Variants in LRRC37A2 observed in about 807,000 individuals in gnomAD.
LRRC37A2 encodes the protein leucine-rich repeat-containing protein 37A2.
Under a neutral mutation model 68.8 loss-of-function variants are expected in LRRC37A2, and 9 were observed. The observed-to-expected ratio is 0.13, with a 90% CI of 0.08 to 0.23. The LOEUF is 0.23. LRRC37A2 is among the 10% of genes least tolerant of loss of function. The probability of loss-of-function intolerance (pLI) is 1.00; values close to 1 mark genes in which losing one functional copy is unlikely to be tolerated. For missense variants in LRRC37A2, 168 were observed against 950.4 expected (o/e 0.18, Z 10.82); for synonymous variants, 63 against 367.6 (o/e 0.17, Z 9.48).
At chr17:46,890,053 C>T in the LRRC37A2 span, among the ~76,000 whole-genome samples, 1 of 152,184 alleles carries the variant, frequency 6.6e-6, no homozygotes, top group East Asian at 1.9e-4. Context: ...CCATTTCAGC[C>T]CGGCCTGCAT....
chr17:46,795,880 T>TCACA, the LRRC37A2 span, among the ~76,000 whole-genome samples: 1 of 151,834 alleles, frequency 6.6e-6, no homozygotes, highest in African/African-American at 2.4e-5. Context: ...CCTCTCTCTC[T>TCACA]CACACACACA....
chr17:46,822,134 A>G, the LRRC37A2 span, among the ~76,000 whole-genome samples: 1 of 152,214 alleles, frequency 6.6e-6, no homozygotes, highest in African/African-American at 2.4e-5. Context: ...TTATGGAGGA[A>G]CAGTGCAAAG....
chr17:46,875,449 C>A, the LRRC37A2 span: 1 of 1,455,328 alleles, frequency 6.9e-7, no homozygotes, highest in Non-Finnish European at 9.1e-7. Context: ...GCCAGCACCC[C>A]ACTCCCCAAA....
chr17:46,834,338 C>A, the LRRC37A2 span, among the ~76,000 whole-genome samples: 1 of 152,100 alleles, frequency 6.6e-6, no homozygotes, highest in African/African-American at 2.4e-5. Context: ...TGGGTCTGAT[C>A]GCAGGAGGGA....
the LRRC37A2 span, among the ~76,000 whole-genome samples, chr17:46,779,164 G>A: frequency 1.3e-5 from 2 of 151,094 alleles, no homozygotes; most frequent in Non-Finnish European, 2.9e-5. Context: ...GATTCTGGAG[G>A]AAAGGAATGA....
the LRRC37A2 span, among the ~76,000 whole-genome samples, chr17:46,838,926 G>A: frequency 2.0e-5 from 3 of 152,080 alleles, no homozygotes; most frequent in Non-Finnish European, 4.4e-5. Flanking sequence ...CGCCCAGGCT[G>A]GAGTGAAGTG....
chr17:46,900,796 G>A, the LRRC37A2 span, among the ~76,000 whole-genome samples: 1 of 152,156 alleles, frequency 6.6e-6, no homozygotes, highest in Non-Finnish European at 1.5e-5. Flanking sequence ...CAGAAAGGTG[G>A]TTTGGCCTGG....
chr17:46,719,715 T>A, the LRRC37A2 span, among the ~76,000 whole-genome samples: 12 of 152,356 alleles, frequency 7.9e-5, no homozygotes, highest in African/African-American at 2.6e-4. This position sits in a 1 kb window ranked among gnomAD's most constrained non-coding sequence, Gnocchi z 4.3. Flanking sequence ...TTTAAAAATC[T>A]ATTTTACTAG....
the LRRC37A2 span, among the ~76,000 whole-genome samples, chr17:46,491,309 C>T: frequency 6.7e-6 from 1 of 149,942 alleles, no homozygotes; most frequent in African/African-American, 2.5e-5. Context: ...ATGAAAATAC[C>T]TGCTCTGCTA....
the LRRC37A2 span, among the ~76,000 whole-genome samples, chr17:46,718,045 C>T: frequency 6.6e-6 from 1 of 152,214 alleles, no homozygotes; most frequent in Non-Finnish European, 1.5e-5. Context: ...CATCTTTCTC[C>T]CTCAGAGTGA....
chr17:46,403,647 A>T, the LRRC37A2 span, among the ~76,000 whole-genome samples: 1,927 of 84,328 alleles, frequency 0.023, 573 homozygotes, highest in African/African-American at 0.063. Flanking sequence ...TTACCTGTGA[A>T]TGAAGCTGTT....
At chr17:46,819,318 C>T in the LRRC37A2 span, among the ~76,000 whole-genome samples, 38 of 152,264 alleles carry the variant, frequency 2.5e-4, no homozygotes, top group African/African-American at 9.1e-4. The surrounding 1 kb of genome is among the most constrained non-coding windows in gnomAD (Gnocchi z 5.3). Flanking sequence ...GGTCTGGCTG[C>T]GGGCGGCGCC....
At chr17:46,925,199 G>A in the LRRC37A2 span, among the ~76,000 whole-genome samples, 1 of 152,286 alleles carries the variant, frequency 6.6e-6, no homozygotes, top group African/African-American at 2.4e-5. Flanking sequence ...TTACTACTCT[G>A]CTGTTATATT....
chr17:46,709,932 A>T, the LRRC37A2 span, among the ~76,000 whole-genome samples: 1 of 152,218 alleles, frequency 6.6e-6, no homozygotes, highest in Non-Finnish European at 1.5e-5. Flanking sequence ...GGACCAGTAT[A>T]TGCAAAGAGA....
chr17:47,030,121 C>A, the LRRC37A2 span, among the ~76,000 whole-genome samples: 2 of 130,660 alleles, frequency 1.5e-5, no homozygotes, highest in East Asian at 2.1e-4. Context: ...TCATCATCAT[C>A]ATCATCATCA....
At chr17:46,826,189 C>T in the LRRC37A2 span, among the ~76,000 whole-genome samples, 2 of 152,360 alleles carry the variant, frequency 1.3e-5, no homozygotes, top group South Asian at 4.1e-4. Context: ...CTGGTTTGCA[C>T]CTTCCAGAAC....
At chr17:46,439,547 GT>G in the LRRC37A2 span, among the ~76,000 whole-genome samples, 1 of 91,328 alleles carries the variant, frequency 1.1e-5, no homozygotes, top group Non-Finnish European at 2.3e-5. Flanking sequence ...ATTGTATTCA[GT>G]TTTTTACTAT....
At chr17:46,845,894 G>A in the LRRC37A2 span, among the ~76,000 whole-genome samples, 9 of 148,838 alleles carry the variant, frequency 6.0e-5, no homozygotes, top group East Asian at 2.0e-4. Flanking sequence ...GAGTTCAAGC[G>A]ATTCTCCTGC....
chr17:46,839,217 T>C, the LRRC37A2 span, among the ~76,000 whole-genome samples: 15 of 152,180 alleles, frequency 9.9e-5, no homozygotes, highest in Admixed American at 9.8e-4. Flanking sequence ...GTTTCAAAGA[T>C]GATTGTTATG....
Sources: allele counts gnomAD v4.1 joint callset (sites outside exome capture counted in the v4.1 genomes callset), GRCh38; gene constraint gnomAD v4.1.1; non-coding constraint Gnocchi (gnomAD v3.1); transcripts MANE v1.5; gene names NCBI Gene and HGNC (gene_info 2026-07-23, HGNC 2026-07-21).